Variants in GPR83 observed in about 807,000 individuals in gnomAD.
GPR83 encodes the protein G protein-coupled receptor 83.
GPR83 carries 23 observed loss-of-function variants against 28.0 expected under a neutral mutation model. The observed-to-expected ratio is 0.82, with a 90% CI of 0.59 to 1.16. The LOEUF (loss-of-function observed/expected upper bound fraction) is 1.16. Among genes scored for constraint, GPR83 ranks in the 50% most tolerant of loss-of-function variants. The probability of loss-of-function intolerance (pLI) is 0.00; values close to 1 mark genes in which losing one functional copy is unlikely to be tolerated. For synonymous variants in GPR83, 234 were observed against 215.4 expected (o/e 1.09, Z -0.76); for missense variants, 610 against 536.6 (o/e 1.14, Z -1.35).
chr11:94,396,497 A>G lies in GPR83; in HGVS notation c.415T>C (p.Phe139Leu). The G allele has an allele frequency of 6.2e-7, 1 of 1,614,114 alleles. No homozygotes were observed. ...CTGACATGGCACATGCCCTTCCCAA[A>G]TATCCATGTGCTGTTCACAAAGCGA... ...LVRFVNSTWI[F>L]GKGMCHVSRF... The change falls in exon 2 of 4, where the codon TTT becomes CTT. Residue 139 changes from phenylalanine (F) to leucine (L), a missense_variant. Phe to Leu is a conservative substitution (Grantham distance 22). Transcript: ENST00000243673.
At position 94,380,449 on chromosome 11, in the gene GPR83, A is replaced by T; in HGVS notation, c.972T>A (p.Asn324Lys). ...ACCAGTGGAAGGCAAAGTAGAGGGC[A>T]TTGTTGGTGCGGATGACCTTGCTGG... ...LLSSKVIRTN[N>K]ALYFAFHWFA... The change falls in exon 4 of 4, where the codon AAT (asparagine) becomes AAA (lysine). Residue 324 changes from asparagine (N) to lysine (K), a missense_variant. Physicochemically the swap from Asn to Lys is moderately conservative, Grantham distance 94. Transcript: ENST00000243673. 4 of 1,614,144 alleles carry T rather than the reference A, an allele frequency of 2.5e-6. No individual in the cohort carries two copies. The highest frequency in any genetic ancestry group is 3.4e-6 in the Non-Finnish European group (4 of 1,180,004).
intron 2 of GPR83, among the ~76,000 whole-genome samples, chr11:94,394,502 A>C (rs1023464796): frequency 3.9e-5 from 6 of 152,192 alleles, no homozygotes; most frequent in African/African-American, 1.4e-4. Flanking sequence ...CAGATGAGAA[A>C]CATTATTTTT....
rs571755051 is a variant in GPR83 at position 94,389,638 on chromosome 11, T to C, written c.647+3847A>G. ...CAATGAGATACCATCTCACACCAGT[T>C]AGAATGGCAATCATTAAAAAGTCAG... On this transcript the variant is annotated intron_variant, in intron 3 of 3. Coordinates refer to ENST00000243673, the MANE Select transcript of GPR83 (RefSeq NM_016540.4). 3.3e-5 allele frequency among the ~76,000 whole-genome samples: 5 copies of C among 152,318 alleles called. No homozygotes were observed. In the East Asian group the frequency reaches 9.6e-4, roughly 29 times the overall value.
At position 94,393,513 on chromosome 11, in the gene GPR83, A is replaced by G; in HGVS notation, c.619T>C (p.Cys207Arg). Residue 207 changes from cysteine (C) to arginine (R), a missense_variant, in exon 3 of 4, where the codon TGC (cysteine) becomes CGC (arginine). Transcript: ENST00000243673. The part of the protein sequence containing the change: ...ATFFSLPHAI[C>R]QKLFTFKYSE... ...TATTTGAAGGTAAATAATTTCTGGCAGATAGCATGTGGGAGTGAAAAGAAC... is the reference window on the plus strand; with the variant it reads ...TATTTGAAGGTAAATAATTTCTGGCGGATAGCATGTGGGAGTGAAAAGAAC... The G allele has an allele frequency of 6.2e-7, 1 of 1,614,096 alleles. No individual in the cohort carries two copies. The highest frequency in any genetic ancestry group is 8.5e-7 in the Non-Finnish European group (1 of 1,179,940).
chr11:94,398,303 T>C (rs1944884190), intron 1 of GPR83, among the ~76,000 whole-genome samples: 1 of 152,146 alleles, frequency 6.6e-6, no homozygotes, highest in South Asian at 2.1e-4. Context: ...CTTCACAACC[T>C]GGCCCCGCCT....
At position 94,400,854 on chromosome 11, in the gene GPR83, C is replaced by G. The variant is rs745767572; in HGVS notation, c.387+7G>C. 1 of 1,612,418 alleles carries G rather than the reference C, an allele frequency of 6.2e-7. No homozygotes were observed. The highest frequency in any genetic ancestry group is 8.5e-7 in the Non-Finnish European group (1 of 1,178,922). The stretch of plus-strand genomic sequence containing the variant: ...GAAGGTGGGGCGGCAGGCAGCGGGC[C>G]CCTTACCAAAGTGAAGGGGGTGTTG... On this transcript the variant is annotated splice_region_variant and intron_variant, in intron 1 of 3. Transcript: ENST00000243673.
At chr11:94,387,345 G>A (rs1293160137) in intron 3 of GPR83, among the ~76,000 whole-genome samples, 1 of 152,144 alleles carries the variant, frequency 6.6e-6, no homozygotes, top group African/African-American at 2.4e-5. Flanking sequence ...AACTGAAGGA[G>A]ATAGAGACAC....
At chr11:94,381,759 C>T (rs1013332324) in intron 3 of GPR83, among the ~76,000 whole-genome samples, 8 of 152,018 alleles carry the variant, frequency 5.3e-5, no homozygotes, top group African/African-American at 1.2e-4. Flanking sequence ...CATAATTGGT[C>T]GGGAGTTTCC....
intron 2 of GPR83, among the ~76,000 whole-genome samples, chr11:94,393,896 C>T (rs1053635666): frequency 3.3e-5 from 5 of 152,156 alleles, no homozygotes; most frequent in Non-Finnish European, 7.3e-5. Flanking sequence ...AAGTCAAGCA[C>T]CCCTTATGTT....
chr11:94,382,773 G>A (rs188217371), intron 3 of GPR83, among the ~76,000 whole-genome samples: 2 of 152,208 alleles, frequency 1.3e-5, no homozygotes, highest in Admixed American at 6.5e-5. Flanking sequence ...AATTGACCAC[G>A]TAATTGGAAA....
At chr11:94,384,007 A>G (rs1339569921) in intron 3 of GPR83, among the ~76,000 whole-genome samples, 1 of 152,238 alleles carries the variant, frequency 6.6e-6, no homozygotes, top group Admixed American at 6.5e-5. Flanking sequence ...CGCTGATACC[A>G]AAACCTGGCA....
chr11:94,382,897 G>A (rs1944707994), intron 3 of GPR83, among the ~76,000 whole-genome samples: 1 of 152,112 alleles, frequency 6.6e-6, no homozygotes, highest in Non-Finnish European at 1.5e-5. Context: ...GGGCACGGTG[G>A]CTCATGCCTG....
At chr11:94,392,020 A>G (rs1186716093) in intron 3 of GPR83, among the ~76,000 whole-genome samples, 8 of 152,150 alleles carry the variant, frequency 5.3e-5, no homozygotes, top group African/African-American at 1.9e-4. Flanking sequence ...AGACACACGC[A>G]CACATATGTT....
In GPR83 at chr11:94,401,286, G is replaced by T. The variant is rs1433711098; in HGVS notation, c.-39C>A. On this transcript the variant is annotated 5_prime_UTR_variant, in exon 1 of 4. Coordinates refer to ENST00000243673, the MANE Select transcript of GPR83 (RefSeq NM_016540.4). ...CCCCTCCCCTGGGAGCCTGCGGGCC[G>T]GGCGTCCCCTCCCGCTGGGATCGGA... The T allele has an allele frequency of 6.5e-7, 1 of 1,539,666 alleles. No homozygotes were observed. Among genetic ancestry groups the T allele is most frequent in the South Asian group, 1.2e-5 (1 of 80,766 alleles).
At chr11:94,389,279 C>G (rs1944790862) in intron 3 of GPR83, among the ~76,000 whole-genome samples, 1 of 152,180 alleles carries the variant, frequency 6.6e-6, no homozygotes, top group South Asian at 2.1e-4. Context: ...GACTTCATGT[C>G]TAAAACACCA....
At chr11:94,395,347 C>T (rs951996221) in intron 2 of GPR83, among the ~76,000 whole-genome samples, 8 of 152,208 alleles carry the variant, frequency 5.3e-5, no homozygotes, top group Admixed American at 4.6e-4. Flanking sequence ...TGCTGCATCT[C>T]ATGGTGCTAC....
chr11:94,382,085 G>A (rs1280756385), intron 3 of GPR83, among the ~76,000 whole-genome samples: 1 of 152,160 alleles, frequency 6.6e-6, no homozygotes, highest in Non-Finnish European at 1.5e-5. Flanking sequence ...CAGCACGGTG[G>A]CTCATGCCTG....
chr11:94,387,600 C>A (rs1242772649), intron 3 of GPR83, among the ~76,000 whole-genome samples: 1 of 152,180 alleles, frequency 6.6e-6, no homozygotes, highest in East Asian at 1.9e-4. Context: ...ATTTCCTCGA[C>A]ACATACACCC....
intron 3 of GPR83, among the ~76,000 whole-genome samples, chr11:94,387,509 C>A (rs1944772307): frequency 6.6e-6 from 1 of 152,092 alleles, no homozygotes; most frequent in African/African-American, 2.4e-5. Flanking sequence ...ACCACTAATC[C>A]CACAGAAATA....
Sources: gnomAD v4.1 joint callset for allele counts (sites outside exome capture counted in the v4.1 genomes callset) on GRCh38, gnomAD v4.1.1 for gene constraint, MANE v1.5 for transcripts, NCBI Gene and HGNC (gene_info 2026-07-23, HGNC 2026-07-21) for gene names.